OPCML: variants seen among roughly 807,000 people sequenced by gnomAD.
OPCML encodes opioid binding protein/cell adhesion molecule like.
Under a neutral mutation model 37.8 loss-of-function variants are expected in OPCML, and 13 were observed. The ratio of observed to expected loss-of-function variants is 0.34; its 90% CI spans 0.22 to 0.55. The LOEUF (loss-of-function observed/expected upper bound fraction) is 0.55. Ranked by LOEUF, OPCML falls within the 20% of genes least tolerant of loss-of-function variation. OPCML has a pLI of 0.91. For missense variants in OPCML, 341 were observed against 435.6 expected (o/e 0.78, Z 1.93); for synonymous variants, 176 against 168.8 (o/e 1.04, Z -0.33).
At chr11:133,233,906 G>A (rs970516289) in intron 1 of OPCML, among the ~76,000 whole-genome samples, 49 of 152,088 alleles carry the variant, frequency 3.2e-4, no homozygotes, top group African/African-American at 1.1e-3. Context: ...CCCACCCCCT[G>A]CCCAGACCAA....
intron 3 of OPCML, among the ~76,000 whole-genome samples, chr11:132,610,952 T>C (rs971770323): frequency 4.6e-5 from 7 of 152,234 alleles, no homozygotes; most frequent in African/African-American, 1.4e-4. Context: ...TAAAGCCCCA[T>C]GGTGAGCAAT....
chr11:132,971,694 G>A (rs1591862683), intron 1 of OPCML, among the ~76,000 whole-genome samples: 1 of 152,262 alleles, frequency 6.6e-6, no homozygotes, highest in South Asian at 2.1e-4. Context: ...TTCCAGGGAG[G>A]CTCTGTCTGC....
chr11:132,922,125 G>A (rs2659626), intron 2 of OPCML, among the ~76,000 whole-genome samples: 7,942 of 152,024 alleles, frequency 0.052, 310 homozygotes, highest in Middle Eastern at 0.16. Flanking sequence ...TGATCCACCC[G>A]CCTCGGCCTC....
At chr11:132,802,590 C>T (rs1248444819) in intron 2 of OPCML, among the ~76,000 whole-genome samples, 5 of 150,938 alleles carry the variant, frequency 3.3e-5, no homozygotes, top group Non-Finnish European at 1.5e-5. Flanking sequence ...AAATTCTGAA[C>T]ATAACAAATA....
Position 133,490,014 on chromosome 11 carries a change from C to T in OPCML, c.61+42250G>A, listed in dbSNP as rs180947469. Among the ~76,000 whole-genome samples the T allele has an allele frequency of 1.7e-3, 257 of 152,092 alleles. 1 individual carries two copies. The highest frequency in any genetic ancestry group is 1.5e-3 in the Non-Finnish European group (102 of 68,010). On this transcript the variant is annotated intron_variant, in intron 1 of 7. Coordinates refer to ENST00000524381, the MANE Select transcript of OPCML (RefSeq NM_001012393.5). ...CATGCATGGAACTGGAGACCATTAT[C>T]GTAAATAAAAGTGAAGATTTAGGTA...
chr11:132,458,879 A>T (rs182085326), intron 4 of OPCML, among the ~76,000 whole-genome samples: 1 of 152,262 alleles, frequency 6.6e-6, no homozygotes, highest in African/African-American at 2.4e-5. Flanking sequence ...AGCCTCCCTC[A>T]TAAAGTGAGG....
intron 1 of OPCML, among the ~76,000 whole-genome samples, chr11:133,483,682 A>T (rs1591550229): frequency 1.9e-5 from 2 of 104,904 alleles, no homozygotes; most frequent in African/African-American, 9.1e-5. Flanking sequence ...GATGATAGAT[A>T]GATAGATAGA....
chr11:133,510,728 G>T (rs1294755191), intron 1 of OPCML, among the ~76,000 whole-genome samples: 2 of 152,264 alleles, frequency 1.3e-5, no homozygotes, highest in African/African-American at 4.8e-5. Flanking sequence ...TACCATGGAT[G>T]AACTCGTCAT....
rs560985404 is a variant in OPCML, at chr11:133,306,430, C to T, written c.61+225834G>A. On this transcript the variant is annotated intron_variant, in intron 1 of 7. Transcript: ENST00000524381. ...TGCTTAATTTTGAATAATGATTTGACGCGGTCACTCTAAAATTGACATTGG... is the reference window on the plus strand; with the variant it reads ...TGCTTAATTTTGAATAATGATTTGATGCGGTCACTCTAAAATTGACATTGG... Among the ~76,000 whole-genome samples the T allele has an allele frequency of 5.8e-4, 88 of 152,182 alleles. 1 individual carries two copies. The South Asian group carries it at 0.014, about 24-fold the overall frequency.
chr11:132,782,646 CAGA>C (rs1947070715), intron 2 of OPCML, among the ~76,000 whole-genome samples: 1 of 151,882 alleles, frequency 6.6e-6, no homozygotes, highest in African/African-American at 2.4e-5. Flanking sequence ...CCCAACTTCT[CAGA>C]AGAATAAAAA....
chr11:132,929,947 G>A lies in OPCML; in HGVS notation c.146+12979C>T, dbSNP rs964739648. 8.5e-5 allele frequency among the ~76,000 whole-genome samples: 13 copies of A among 152,210 alleles called. No homozygotes were observed. The South Asian group carries it at 2.7e-3, about 32-fold the overall frequency. On this transcript the variant is annotated intron_variant, in intron 2 of 7. Coordinates refer to ENST00000524381, the MANE Select transcript of OPCML (RefSeq NM_001012393.5). ...TATGTAAAAATTCCACTACTAAAATGTACTCAACATACTAAATGAGAAAAG... is the reference window on the plus strand; with the variant it reads ...TATGTAAAAATTCCACTACTAAAATATACTCAACATACTAAATGAGAAAAG...
chr11:133,005,854 T>C, intron 1 of OPCML: 1 of 985,414 alleles, frequency 1.0e-6, no homozygotes, highest in Non-Finnish European at 1.2e-6. Context: ...CTAGGATCTA[T>C]TTTTAATTTG....
chr11:133,029,193 T>C lies in OPCML; in HGVS notation c.62-86183A>G, dbSNP rs375157845. 5.9e-4 allele frequency among the ~76,000 whole-genome samples: 89 copies of C among 149,956 alleles called. 1 individual carries two copies. The South Asian group carries it at 0.016, about 27-fold the overall frequency. On this transcript the variant is annotated intron_variant, in intron 1 of 7. Coordinates refer to ENST00000524381, the MANE Select transcript of OPCML (RefSeq NM_001012393.5). ...CATCTCACACCAGTCAGAATGGCTA[T>C]TGTTAAAAAGTCAAAAGAAAAAATA...
intron 3 of OPCML, among the ~76,000 whole-genome samples, chr11:132,589,219 A>G (rs1026611674): frequency 1.3e-5 from 2 of 152,160 alleles, no homozygotes; most frequent in African/African-American, 4.8e-5. Flanking sequence ...ATTGTTTTAT[A>G]CCAAAACTCC....
At chr11:132,438,363 G>A (rs1168532454) in intron 4 of OPCML, among the ~76,000 whole-genome samples, 1 of 152,224 alleles carries the variant, frequency 6.6e-6, no homozygotes, top group Non-Finnish European at 1.5e-5. Flanking sequence ...AGTCCTGAGG[G>A]CCACAGTAGT....
chr11:133,181,741 A>G (rs189477199), intron 1 of OPCML, among the ~76,000 whole-genome samples: 16 of 152,340 alleles, frequency 1.1e-4, no homozygotes, highest in Non-Finnish European at 1.8e-4. Flanking sequence ...GCTCACATGT[A>G]TGGTGAGGAT....
chr11:132,747,190 A>G lies in OPCML; in HGVS notation c.147-89871T>C, dbSNP rs192516203. Among the ~76,000 whole-genome samples, 7 of 152,344 alleles carry G rather than the reference A, an allele frequency of 4.6e-5. No homozygotes were observed. In the East Asian group the frequency reaches 5.8e-4, roughly 13 times the overall value. ...TATTTTTAAGGACTATTAGCAACCA[A>G]AGAGATAACTAGGAGCTGGCATTCA... On this transcript the variant is annotated intron_variant, in intron 2 of 7. Coordinates refer to ENST00000524381, the MANE Select transcript of OPCML (RefSeq NM_001012393.5).
intron 2 of OPCML, among the ~76,000 whole-genome samples, chr11:132,663,051 C>G (rs1233333368): frequency 6.6e-6 from 1 of 152,128 alleles, no homozygotes; most frequent in African/African-American, 2.4e-5. Flanking sequence ...TAGACAATGG[C>G]AAATGTAGTT....
chr11:133,198,523 A>G (rs935881471), intron 1 of OPCML, among the ~76,000 whole-genome samples: 3 of 152,244 alleles, frequency 2.0e-5, no homozygotes, highest in Non-Finnish European at 2.9e-5. Flanking sequence ...GGAAATGAGA[A>G]GAACTTCACG....
Sources: allele counts gnomAD v4.1 joint callset (sites outside exome capture counted in the v4.1 genomes callset), GRCh38; gene constraint gnomAD v4.1.1; transcripts MANE v1.5; gene names NCBI Gene and HGNC (gene_info 2026-07-23, HGNC 2026-07-21).